Variants in UBE4B observed in about 807,000 individuals in gnomAD.
The protein encoded by UBE4B is ubiquitin conjugation factor E4 B.
Under a neutral mutation model 148.1 loss-of-function variants are expected in UBE4B, and 27 were observed. That is an observed-to-expected ratio of 0.18 (90% CI 0.13 to 0.25). UBE4B has a LOEUF of 0.25. Among genes scored for constraint, UBE4B ranks in the 10% least tolerant of loss-of-function variants. The pLI is 1.00. For synonymous variants in UBE4B, 596 were observed against 619.3 expected (o/e 0.96, Z 0.56); for missense variants, 1,170 against 1,662.4 (o/e 0.70, Z 5.15).
rs1040681709 is a variant in UBE4B, at chr1:10,118,069, G to A, written c.1338+469G>A. 1.6e-4 allele frequency among the ~76,000 whole-genome samples: 24 copies of A among 152,298 alleles called. No individual in the cohort carries two copies. In the East Asian group the frequency reaches 2.5e-3, roughly 16 times the overall value. On this transcript the variant is annotated intron_variant, in intron 8 of 27. Transcript: ENST00000343090. ...CGTATGACTAAGCAAATGACTCTCAGAGAGATTAAGTACTTGTCCAGAATC... is the reference window on the plus strand; with the variant it reads ...CGTATGACTAAGCAAATGACTCTCAAAGAGATTAAGTACTTGTCCAGAATC...
chr1:10,057,146 A>G (rs1644188020), intron 1 of UBE4B, among the ~76,000 whole-genome samples: 1 of 152,000 alleles, frequency 6.6e-6, no homozygotes. Flanking sequence ...TAATATTAAT[A>G]TTTTAAGTAT....
intron 2 of UBE4B, among the ~76,000 whole-genome samples, chr1:10,078,780 T>C (rs1331592020): frequency 6.6e-6 from 1 of 152,106 alleles, no homozygotes; most frequent in African/African-American, 2.4e-5. Context: ...TCTAGTGGAA[T>C]AGGTCTTCCA....
chr1:10,144,408 T>C (rs559200417), intron 17 of UBE4B, among the ~76,000 whole-genome samples: 1 of 152,064 alleles, frequency 6.6e-6, no homozygotes, highest in South Asian at 2.1e-4. Context: ...TGCCATCCAT[T>C]CAAAGACACA....
rs1248574528 is a variant in UBE4B, at chr1:10,147,349, C to T, written c.2591+259C>T. ...CTCTACTAAAAATACAAAAATTAGC[C>T]GGGCTTGGTGGCAGATGCCTGCAGT... On this transcript the variant is annotated intron_variant, in intron 19 of 27. Coordinates refer to ENST00000343090, the MANE Select transcript of UBE4B (RefSeq NM_001105562.3). Among the ~76,000 whole-genome samples, 15 of 151,954 alleles carry T rather than the reference C, an allele frequency of 9.9e-5. 1 individual carries two copies. The highest frequency in any genetic ancestry group is 8.5e-4 in the Admixed American group (13 of 15,250).
Position 10,149,190 on chromosome 1 carries a change from A to T in UBE4B, c.2598A>T (p.Thr866=). 6.2e-7 allele frequency: 1 copy of T among 1,603,770 alleles called. No individual in the cohort carries two copies. Among genetic ancestry groups the T allele is most frequent in the Non-Finnish European group, 8.5e-7 (1 of 1,177,114 alleles). Residue 866 remains threonine (T), a synonymous_variant, in exon 20 of 28, where the codon ACA becomes ACT. Coordinates refer to ENST00000343090, the MANE Select transcript of UBE4B (RefSeq NM_001105562.3). ...CTTTTTTTCTCTTTGACAGTATAAC[A>T]CTGCCTTTAAATTCAGATGTCCCCA... ...RILDPAYPDI[T]LPLNSDVPKV...
At chr1:10,152,853 ATCTTCTATCCCTCAG>A (rs1240961488) in intron 21 of UBE4B, among the ~76,000 whole-genome samples, 1 of 151,914 alleles carries the variant, frequency 6.6e-6, no homozygotes, top group Non-Finnish European at 1.5e-5. Context: ...GGAAGTAGCC[ATCTTCTATCCCTCAG>A]TCTGGGGACC....
intron 5 of UBE4B, among the ~76,000 whole-genome samples, chr1:10,103,982 G>A (rs571101209): frequency 9.9e-5 from 15 of 151,812 alleles, no homozygotes; most frequent in African/African-American, 2.7e-4. Flanking sequence ...GGATGGTCTC[G>A]ATCTCTTGAC....
At chr1:10,172,958 A>G (rs1646359605) in intron 25 of UBE4B, among the ~76,000 whole-genome samples, 1 of 152,186 alleles carries the variant, frequency 6.6e-6, no homozygotes. Flanking sequence ...CACACTGTAC[A>G]GTTTTGTAGC....
At position 10,150,595 on chromosome 1, in the gene UBE4B, C is replaced by T. The variant is rs12035441; in HGVS notation, c.2691-731C>T. Among the ~76,000 whole-genome samples the T allele has an allele frequency of 4.2e-4, 64 of 152,334 alleles. No homozygotes were observed. In the East Asian group the frequency reaches 0.011, roughly 27 times the overall value. On this transcript the variant is annotated intron_variant, in intron 20 of 27. Transcript: ENST00000343090. ...AGTCACTGTAGGCTGGGTGCAATGGCTCATGCCTGTAATCCCAGCACTTTG... is the reference window on the plus strand; with the variant it reads ...AGTCACTGTAGGCTGGGTGCAATGGTTCATGCCTGTAATCCCAGCACTTTG...
intron 24 of UBE4B, among the ~76,000 whole-genome samples, chr1:10,169,950 G>T (rs576218342): frequency 6.6e-6 from 1 of 152,282 alleles, no homozygotes; most frequent in Admixed American, 6.5e-5. Context: ...AAAAGGCAGA[G>T]GTCGCAGTGA....
Position 10,033,498 on chromosome 1 carries a change from G to C in UBE4B, c.-173G>C. The C allele has an allele frequency of 1.5e-6, 1 of 662,988 alleles. No individual in the cohort carries two copies. Among genetic ancestry groups the C allele is most frequent in the South Asian group, 3.9e-5 (1 of 25,440 alleles). 41.1% of individuals were successfully genotyped at this position (662,988 alleles called of 1,614,324 possible). On this transcript the variant is annotated 5_prime_UTR_variant, in exon 1 of 28. Coordinates refer to ENST00000343090, the MANE Select transcript of UBE4B (RefSeq NM_001105562.3). The stretch of plus-strand genomic sequence containing the variant: ...GACTGGAGTGACCGAAGCCAAGGCA[G>C]TTTAGTGCCTCTCGTGTTCTTATTT...
rs532783142 is a variant in UBE4B, at chr1:10,069,056, T to G, written c.25-2972T>G. 2.6e-5 allele frequency among the ~76,000 whole-genome samples: 4 copies of G among 152,362 alleles called. No individual in the cohort carries two copies. In the East Asian group the frequency reaches 5.8e-4, roughly 22 times the overall value. On this transcript the variant is annotated intron_variant, in intron 1 of 27. Coordinates refer to ENST00000343090, the MANE Select transcript of UBE4B (RefSeq NM_001105562.3). Reference sequence around the variant, plus strand: ...TTCACAAAGTCTTGATTCTTCAACCTTTTTTGAAACCTTAGAATCCTTTCT... The same window carrying G: ...TTCACAAAGTCTTGATTCTTCAACCGTTTTTGAAACCTTAGAATCCTTTCT...
chr1:10,056,034 C>G (rs1218116650), intron 1 of UBE4B, among the ~76,000 whole-genome samples: 1 of 152,206 alleles, frequency 6.6e-6, no homozygotes, highest in Non-Finnish European at 1.5e-5. Context: ...GGAGACCATA[C>G]CATCCACTTC....
intron 1 of UBE4B, among the ~76,000 whole-genome samples, chr1:10,068,940 A>T (rs900042941): frequency 6.6e-6 from 1 of 152,172 alleles, no homozygotes; most frequent in Non-Finnish European, 1.5e-5. Flanking sequence ...GGCAAAATGT[A>T]TTCTCCCAAT....
At chr1:10,085,336 A>G (rs912622455) in intron 2 of UBE4B, among the ~76,000 whole-genome samples, 17 of 152,152 alleles carry the variant, frequency 1.1e-4, no homozygotes, top group Non-Finnish European at 1.0e-4. Flanking sequence ...ATAGCTTGTC[A>G]CCTCGTGGCC....
At chr1:10,035,851 C>T (rs1193460285) in intron 1 of UBE4B, among the ~76,000 whole-genome samples, 1 of 151,394 alleles carries the variant, frequency 6.6e-6, no homozygotes, top group Non-Finnish European at 1.5e-5. Context: ...TCACGCCATT[C>T]TCCTGCCTCA....
chr1:10,130,470 G>A (rs1645575303), intron 12 of UBE4B, 30 bp from the exon 13 acceptor site: 2 of 1,595,382 alleles, frequency 1.3e-6, no homozygotes, highest in African/African-American at 1.3e-5. Flanking sequence ...CTGTTCAGCG[G>A]CTTGACTGGC....
intron 23 of UBE4B, among the ~76,000 whole-genome samples, chr1:10,164,353 A>AC (rs771715786): frequency 1.8e-4 from 27 of 151,956 alleles, no homozygotes; most frequent in Middle Eastern, 3.4e-3. Flanking sequence ...GTCTCAAAAA[A>AC]GAAAAAAAAA....
intron 21 of UBE4B, among the ~76,000 whole-genome samples, chr1:10,153,489 C>CT (rs1343564740): frequency 2.4e-4 from 12 of 50,142 alleles, no homozygotes; most frequent in African/African-American, 7.8e-4. Context: ...GACCCTGTTT[C>CT]TAAAAAAAAA....
Sources: gnomAD v4.1 joint callset for allele counts (sites outside exome capture counted in the v4.1 genomes callset) on GRCh38, gnomAD v4.1.1 for gene constraint, MANE v1.5 for transcripts, NCBI Gene and HGNC (gene_info 2026-07-23, HGNC 2026-07-21) for gene names.